The following WDR70 variants were observed in gnomAD, a reference collection of about 807,000 sequenced individuals.
WDR70 encodes WD repeat domain 70.
A neutral mutation model predicts 88.6 loss-of-function variants in WDR70; 53 were observed. The observed-to-expected ratio is 0.60, with a 90% CI of 0.48 to 0.75. The LOEUF (loss-of-function observed/expected upper bound fraction) is 0.75, where lower values mean the gene tolerates loss of function less well. Among genes scored for constraint, WDR70 ranks in the 30% least tolerant of loss-of-function variants. The pLI, the probability that WDR70 is intolerant of heterozygous loss-of-function variation, is 0.00. For missense variants in WDR70, 610 were observed against 823.2 expected, an observed-to-expected ratio of 0.74 and a Z score of 3.17; for synonymous variants, 280 against 270.0, an observed-to-expected ratio of 1.04 and a Z score of -0.36.
At position 37,470,531 on chromosome 5, in the gene WDR70, A is replaced by G. The variant is rs79320708; in HGVS notation, c.687-9303A>G. Among the ~76,000 whole-genome samples the G allele has an allele frequency of 1.9e-3, 295 of 152,306 alleles. 1 individual carries two copies. Among genetic ancestry groups the G allele is most frequent in the African/African-American group, 6.8e-3 (283 of 41,578 alleles). ...CCTTCTCATCCTGACTACTTGCACC[A>G]TAGATTACTTTTGCCTATATTTGAA... On this transcript the variant is annotated intron_variant, in intron 7 of 17. Transcript: ENST00000265107.
In WDR70 at chr5:37,527,401, A is replaced by G. The variant is rs536721338; in HGVS notation, c.917+10811A>G. 2.6e-4 allele frequency among the ~76,000 whole-genome samples: 40 copies of G among 152,374 alleles called. No individual in the cohort carries two copies. The South Asian group carries it at 8.3e-3, about 32-fold the overall frequency. On this transcript the variant is annotated intron_variant, in intron 9 of 17. Coordinates refer to ENST00000265107, the MANE Select transcript of WDR70 (RefSeq NM_018034.4). ...ATGGGGAAAGGATTCCCTATTTAAT[A>G]AATGATGCTGTGAAAACTGGCTAGC... is the stretch of plus-strand genomic sequence containing the variant.
At chr5:37,455,634 A>G (rs145007937) in intron 7 of WDR70, among the ~76,000 whole-genome samples, 2 of 18,978 alleles carry the variant, frequency 1.1e-4, no homozygotes, top group Non-Finnish European at 4.7e-4. Context: ...AGTTCTCTTT[A>G]TCTTTTTTTT....
intron 13 of WDR70, among the ~76,000 whole-genome samples, chr5:37,705,737 C>G (rs1289973015): frequency 6.6e-6 from 1 of 152,006 alleles, no homozygotes; most frequent in Non-Finnish European, 1.5e-5. Context: ...GTTGGAAATA[C>G]CACACTCCAA....
At chr5:37,516,401 C>T (rs1740884340) in intron 8 of WDR70, 113 bp from the exon 9 acceptor site, 2 of 526,826 alleles carry the variant, frequency 3.8e-6, no homozygotes, top group East Asian at 6.2e-5. Flanking sequence ...AAAATGGTGC[C>T]CTTTTGGGGG....
chr5:37,584,928 G>A (rs1215669807), intron 9 of WDR70, among the ~76,000 whole-genome samples: 2 of 150,242 alleles, frequency 1.3e-5, no homozygotes, highest in African/African-American at 2.5e-5. Context: ...AGGTAGTAAC[G>A]TGGCATTACT....
At chr5:37,526,333 G>A (rs964476348) in intron 9 of WDR70, among the ~76,000 whole-genome samples, 2 of 152,072 alleles carry the variant, frequency 1.3e-5, no homozygotes, top group Non-Finnish European at 2.9e-5. Flanking sequence ...TTCAACATAC[G>A]CACATCAATA....
intron 10 of WDR70, among the ~76,000 whole-genome samples, chr5:37,665,352 C>T (rs1745805172): frequency 6.6e-6 from 1 of 152,158 alleles, no homozygotes. Context: ...CCCCTTTGTA[C>T]CTGCAGCTGA....
chr5:37,489,756 G>T (rs1740007367), intron 8 of WDR70, among the ~76,000 whole-genome samples: 1 of 151,768 alleles, frequency 6.6e-6, no homozygotes, highest in Non-Finnish European at 1.5e-5. Flanking sequence ...GGTCTAGGGT[G>T]GTGTGGTAGG....
At chr5:37,520,393 CTAAAA>C (rs1281945203) in intron 9 of WDR70, among the ~76,000 whole-genome samples, 3 of 152,084 alleles carry the variant, frequency 2.0e-5, no homozygotes, top group East Asian at 1.9e-4. Context: ...AAGAATGTGA[CTAAAA>C]TAAAATAAAT....
chr5:37,639,945 T>C (rs540594179), intron 10 of WDR70, among the ~76,000 whole-genome samples: 1 of 152,312 alleles, frequency 6.6e-6, no homozygotes, highest in East Asian at 1.9e-4. Context: ...AAATTGGTGT[T>C]ACTATTATTC....
intron 9 of WDR70, among the ~76,000 whole-genome samples, chr5:37,595,375 A>C (rs1174708520): frequency 6.6e-6 from 1 of 151,608 alleles, no homozygotes; most frequent in Non-Finnish European, 1.5e-5. Flanking sequence ...ACATATGGAA[A>C]TCTGGCCATG....
intron 9 of WDR70, among the ~76,000 whole-genome samples, chr5:37,566,711 G>A (rs1209758356): frequency 6.6e-6 from 1 of 152,126 alleles, no homozygotes; most frequent in Non-Finnish European, 1.5e-5. Context: ...TGAATGACTA[G>A]TGAATTAGCA....
intron 9 of WDR70, among the ~76,000 whole-genome samples, chr5:37,549,621 C>T (rs1220385689): frequency 1.3e-5 from 2 of 152,038 alleles, no homozygotes; most frequent in Non-Finnish European, 2.9e-5. Context: ...AATTTGGATG[C>T]CTTTTATAGG....
intron 10 of WDR70, among the ~76,000 whole-genome samples, chr5:37,633,249 C>A (rs1421181970): frequency 6.6e-6 from 1 of 152,100 alleles, no homozygotes; most frequent in Non-Finnish European, 1.5e-5. Context: ...CACTATATTT[C>A]CAAATGCTAT....
At chr5:37,483,101 G>GTTT (rs35122146) in intron 8 of WDR70, among the ~76,000 whole-genome samples, 3 of 129,886 alleles carry the variant, frequency 2.3e-5, no homozygotes, top group South Asian at 2.5e-4. Flanking sequence ...AGTGGTCTCA[G>GTTT]TTTTTTTTTT....
At chr5:37,528,412 A>AGGT (rs1402567694) in intron 9 of WDR70, among the ~76,000 whole-genome samples, 4 of 152,110 alleles carry the variant, frequency 2.6e-5, no homozygotes, top group Admixed American at 1.3e-4. Flanking sequence ...TCTTACTCAT[A>AGGT]GGTGGCAACT....
At chr5:37,729,126 T>A (rs1258719791) in intron 17 of WDR70, among the ~76,000 whole-genome samples, 1 of 152,134 alleles carries the variant, frequency 6.6e-6, no homozygotes, top group African/African-American at 2.4e-5. Context: ...GCCTATATAT[T>A]TTTTTAGTAC....
At chr5:37,503,252 T>G (rs1740456385) in intron 8 of WDR70, among the ~76,000 whole-genome samples, 1 of 140,432 alleles carries the variant, frequency 7.1e-6, no homozygotes, top group Non-Finnish European at 1.6e-5. Context: ...CAATCTTTTC[T>G]TATCTTTTTT....
At chr5:37,727,813 C>G (rs970524292) in intron 17 of WDR70, among the ~76,000 whole-genome samples, 1 of 152,058 alleles carries the variant, frequency 6.6e-6, no homozygotes, top group African/African-American at 2.4e-5. Flanking sequence ...TGGTCTCAAG[C>G]AGTCCTCCCA....
Sources: gnomAD v4.1 joint callset for allele counts (sites outside exome capture counted in the v4.1 genomes callset) on GRCh38, gnomAD v4.1.1 for gene constraint, MANE v1.5 for transcripts, NCBI Gene and HGNC (gene_info 2026-07-23, HGNC 2026-07-21) for gene names.